CAMTA1: variants seen among roughly 807,000 people sequenced by gnomAD.
The protein encoded by CAMTA1 is calmodulin binding transcription activator 1.
Under a neutral mutation model 170.9 loss-of-function variants are expected in CAMTA1, and 27 were observed. That is an observed-to-expected ratio of 0.16 (90% CI 0.12 to 0.22). The LOEUF (loss-of-function observed/expected upper bound fraction) is 0.22. Among genes scored for constraint, CAMTA1 ranks in the 10% least tolerant of loss-of-function variants. CAMTA1 has a pLI of 1.00. For synonymous variants in CAMTA1, 833 were observed against 891.5 expected (o/e 0.93, Z 1.17); for missense variants, 1,619 against 2,217.2 (o/e 0.73, Z 5.42).
intron 5 of CAMTA1, among the ~76,000 whole-genome samples, chr1:7,317,049 T>C (rs979546863): frequency 7.9e-5 from 12 of 152,262 alleles, no homozygotes; most frequent in African/African-American, 2.9e-4. Flanking sequence ...TGGACCCTGT[T>C]CTTGGAACTG....
At chr1:7,415,536 T>A (rs1366801427) in intron 5 of CAMTA1, among the ~76,000 whole-genome samples, 2 of 152,140 alleles carry the variant, frequency 1.3e-5, no homozygotes, top group Non-Finnish European at 2.9e-5. Flanking sequence ...TCTCTTTTGA[T>A]CTTTGTTGGT....
In CAMTA1 at chr1:7,139,058, TTTA is replaced by T. The variant is rs1383502052; in HGVS notation, c.302+47693_302+47695del. ...TTATATTTATAAATATATATTTATA[TTTA>T]TTATTTGTTTATTTATATTTATTTA... On this transcript the variant is annotated intron_variant, in intron 4 of 22. Coordinates refer to ENST00000303635, the MANE Select transcript of CAMTA1 (RefSeq NM_015215.4). Among the ~76,000 whole-genome samples, 8 of 142,690 alleles carry T rather than the reference TTTA, an allele frequency of 5.6e-5. No individual in the cohort carries two copies. The East Asian group carries it at 5.9e-4, about 10-fold the overall frequency. The allele number at this position is 142,690 out of a possible 152,430, so 93.6% of individuals were successfully genotyped here. A position where few individuals can be genotyped will look rare whatever the true frequency, so the allele number is the denominator to read the frequency against.
chr1:7,526,114 G>A (rs1403345403), intron 6 of CAMTA1, among the ~76,000 whole-genome samples: 3 of 152,028 alleles, frequency 2.0e-5, no homozygotes, highest in African/African-American at 4.8e-5. Context: ...AGAAAGGCAG[G>A]ACACCTACGG....
In CAMTA1 at chr1:7,067,248, A is replaced by C. The variant is rs1448308110; in HGVS notation, c.235-24056A>C. Among the ~76,000 whole-genome samples, 3 of 152,194 alleles carry C rather than the reference A, an allele frequency of 2.0e-5. No homozygotes were observed. Among genetic ancestry groups the C allele is most frequent in the African/African-American group, 7.2e-5 (3 of 41,448 alleles). ...AGTTATCTCTGCTTCCTAGGGACGAAGGCCTCTCCCGGGGCTGGGAAGTTC... is the reference window on the plus strand; with the variant it reads ...AGTTATCTCTGCTTCCTAGGGACGACGGCCTCTCCCGGGGCTGGGAAGTTC... On this transcript the variant is annotated intron_variant, in intron 3 of 22. Coordinates refer to ENST00000303635, the MANE Select transcript of CAMTA1 (RefSeq NM_015215.4). The surrounding 1 kb of genome is among the most constrained non-coding windows in gnomAD (Gnocchi z 4.3).
chr1:6,806,442 A>G (rs952825693), intron 1 of CAMTA1, among the ~76,000 whole-genome samples: 4 of 152,206 alleles, frequency 2.6e-5, no homozygotes, highest in Admixed American at 1.3e-4. Flanking sequence ...CTGAGGATCT[A>G]TTTGGGGAGT....
chr1:7,215,425 A>G (rs1659579685), intron 4 of CAMTA1, among the ~76,000 whole-genome samples: 1 of 152,196 alleles, frequency 6.6e-6, no homozygotes, highest in Non-Finnish European at 1.5e-5. Flanking sequence ...ATGGAGTCTC[A>G]CTCTGTCGCC....
intron 5 of CAMTA1, among the ~76,000 whole-genome samples, chr1:7,431,256 A>G (rs1426573808): frequency 6.6e-6 from 1 of 152,150 alleles, no homozygotes; most frequent in Admixed American, 6.5e-5. Context: ...GTCTCCTTTG[A>G]GATCGATCAG....
chr1:7,620,990 G>A (rs72867157), intron 6 of CAMTA1, among the ~76,000 whole-genome samples: 345 of 152,312 alleles, frequency 2.3e-3, no homozygotes, highest in African/African-American at 7.8e-3. Context: ...GCCAGAGCAG[G>A]TGGAAGCAGG....
rs773723078 is a variant in CAMTA1, at chr1:7,738,317, G to T, written c.4017G>T (p.Pro1339=). Residue 1339 remains proline, a synonymous_variant, in exon 16 of 23, where the codon CCG becomes CCT. Coordinates refer to ENST00000303635, the MANE Select transcript of CAMTA1 (RefSeq NM_015215.4). The surrounding 1 kb of genome is among the most constrained non-coding windows in gnomAD (Gnocchi z 4.9). ...CTACAGTACAGGTGACTGGAAATCC[G>T]AAGGGGACCAGTGTAGGAAAGGAGG... ...GVSTVQVTGN[P]KGTSVGKEAA... 1.2e-6 allele frequency: 2 copies of T among 1,614,188 alleles called. No homozygotes were observed. The highest frequency in any genetic ancestry group is 1.7e-6 in the Non-Finnish European group (2 of 1,180,040).
intron 5 of CAMTA1, among the ~76,000 whole-genome samples, chr1:7,393,060 A>AAAC (rs111998833): frequency 1.3e-5 from 2 of 151,762 alleles, no homozygotes; most frequent in African/African-American, 4.8e-5. Context: ...CTCTTAAAAA[A>AAAC]AAAAAAAAAG....
chr1:6,925,028 C>CT (rs1490010148), intron 3 of CAMTA1, among the ~76,000 whole-genome samples: 1 of 152,248 alleles, frequency 6.6e-6, no homozygotes, highest in Non-Finnish European at 1.5e-5. Flanking sequence ...GTGCTGACAA[C>CT]TTTATCTGGC....
chr1:7,452,360 G>A (rs558995155), intron 5 of CAMTA1, among the ~76,000 whole-genome samples: 1 of 152,164 alleles, frequency 6.6e-6, no homozygotes, highest in East Asian at 1.9e-4. Flanking sequence ...CTTTTTGTTT[G>A]TTTTCATTTT....
intron 1 of CAMTA1, among the ~76,000 whole-genome samples, chr1:6,808,677 TTTC>T (rs1644814158): frequency 6.6e-6 from 1 of 152,210 alleles, no homozygotes; most frequent in Admixed American, 6.5e-5. Flanking sequence ...TAGATGTGCA[TTTC>T]TGGAGGTAAG....
chr1:6,871,962 A>T lies in CAMTA1; in HGVS notation c.234+46752A>T, dbSNP rs950927033. On this transcript the variant is annotated intron_variant, in intron 3 of 22. Transcript: ENST00000303635. ...AATAGAGATACCCCTTTGAGTGATAAATTTGCAAAATGCTGTCTTCATTTT... is the reference window on the plus strand; with the variant it reads ...AATAGAGATACCCCTTTGAGTGATATATTTGCAAAATGCTGTCTTCATTTT... 8.1e-5 allele frequency: 102 copies of T among 1,260,024 alleles called. No homozygotes were observed. The African/African-American group carries it at 1.5e-3, about 19-fold the overall frequency. The allele number at this position is 1,260,024 out of a possible 1,614,324, so 78.1% of individuals were successfully genotyped here.
chr1:7,480,502 C>T (rs2093512003), intron 6 of CAMTA1, among the ~76,000 whole-genome samples: 1 of 152,070 alleles, frequency 6.6e-6, no homozygotes, highest in Admixed American at 6.5e-5. Flanking sequence ...TTTCCTTCTC[C>T]TCCAGGCCCC....
At chr1:7,160,492 C>T (rs1002323404) in intron 4 of CAMTA1, among the ~76,000 whole-genome samples, 4 of 151,958 alleles carry the variant, frequency 2.6e-5, no homozygotes, top group Admixed American at 6.6e-5. Context: ...TTGAAACAGA[C>T]TCTTCCCTAG....
At chr1:6,930,724 C>T (rs1443165116) in intron 3 of CAMTA1, among the ~76,000 whole-genome samples, 1 of 152,210 alleles carries the variant, frequency 6.6e-6, no homozygotes, top group African/African-American at 2.4e-5. Context: ...TTTGGCTGTC[C>T]CCTGAACCCT....
chr1:7,496,779 G>A (rs891885390), intron 6 of CAMTA1, among the ~76,000 whole-genome samples: 24 of 152,048 alleles, frequency 1.6e-4, no homozygotes, highest in Admixed American at 1.2e-3. Context: ...GGGGTCCAGC[G>A]TCTCCTAAGA....
intron 5 of CAMTA1, among the ~76,000 whole-genome samples, chr1:7,424,620 A>G (rs2091774193): frequency 6.6e-6 from 1 of 152,114 alleles, no homozygotes; most frequent in Non-Finnish European, 1.5e-5. Flanking sequence ...GCCGCTGTGG[A>G]TGGCACTTTC....
Sources: gnomAD v4.1 joint callset for allele counts (sites outside exome capture counted in the v4.1 genomes callset) on GRCh38, gnomAD v4.1.1 for gene constraint, Gnocchi (gnomAD v3.1) non-coding constraint, MANE v1.5 for transcripts, NCBI Gene and HGNC (gene_info 2026-07-23, HGNC 2026-07-21) for gene names.